The following FSD2 variants were observed in gnomAD, a reference collection of about 807,000 sequenced individuals.
FSD2 encodes fibronectin type III and SPRY domain-containing protein 2.
FSD2 carries 71 observed loss-of-function variants against 80.4 expected under a neutral mutation model. The ratio of observed to expected loss-of-function variants is 0.88; its 90% CI spans 0.73 to 1.08. FSD2 has a LOEUF of 1.08. FSD2 is among the 50% of genes least tolerant of loss of function. The pLI, the probability that FSD2 is intolerant of heterozygous loss-of-function variation, is 0.00. For synonymous variants in FSD2, 361 were observed against 329.5 expected, an observed-to-expected ratio of 1.10 and a Z score of -1.03; for missense variants, 923 against 913.8, an observed-to-expected ratio of 1.01 and a Z score of -0.13.
chr15:82,764,221 A>G lies in FSD2; in HGVS notation c.1820+945T>C, dbSNP rs1044662537. On this transcript the variant is annotated intron_variant, in intron 11 of 12. Transcript: ENST00000334574. ...GGAAAAACCCCAACCTTCTAAGTCC[A>G]AGTAAATAGCTTTGTATTTCAGCAT... 5.9e-5 allele frequency among the ~76,000 whole-genome samples: 9 copies of G among 152,178 alleles called. 1 individual carries two copies. The South Asian group carries it at 1.4e-3, about 25-fold the overall frequency.
Position 82,762,074 on chromosome 15 carries a change from A to T in FSD2, c.1997+28T>A. Reference sequence around the variant, plus strand: ...CTGTAATCTTTCAAAAGCAAATTTTAATTGTGAGTATCCAGATTTTACTTT... The same window carrying T: ...CTGTAATCTTTCAAAAGCAAATTTTTATTGTGAGTATCCAGATTTTACTTT... On this transcript the variant is annotated intron_variant, in intron 12 of 12. Transcript: ENST00000334574. The T allele has an allele frequency of 1.2e-5, 18 of 1,530,204 alleles. 1 individual carries two copies. The highest frequency in any genetic ancestry group is 1.6e-5 in the Non-Finnish European group (18 of 1,135,908). 94.8% of individuals were successfully genotyped at this position (1,530,204 alleles called of 1,614,324 possible).
rs746987014 is a variant in FSD2 at position 82,769,774 on chromosome 15, T to C, written c.1378A>G (p.Ser460Gly). 3.1e-6 allele frequency: 5 copies of C among 1,613,954 alleles called. No individual in the cohort carries two copies. In the East Asian group the frequency reaches 8.9e-5, roughly 29 times the overall value. Residue 460 changes from serine (S) to glycine (G), a missense_variant, in exon 8 of 13, where the codon AGC becomes GGC. Coordinates refer to ENST00000334574, the MANE Select transcript of FSD2 (RefSeq NM_001007122.4). The stretch of plus-strand genomic sequence containing the variant: ...CCTGTCATGTACACTGCACGCTCGC[T>C]AGAGGGGCTGGGGCCAGCCCTGTTG... ...AHNRAGPSPS[S>G]ERAVYMTAPS... is the part of the protein sequence containing the mutation.
chr15:82,783,861 C>T (rs2049933097), intron 3 of FSD2, among the ~76,000 whole-genome samples: 1 of 152,158 alleles, frequency 6.6e-6, no homozygotes, highest in Non-Finnish European at 1.5e-5. Flanking sequence ...GGTCTGGCGG[C>T]ACTGCTTACA....
intron 1 of FSD2, among the ~76,000 whole-genome samples, chr15:82,790,563 TGTGTTCGTGC>T (rs143249281): frequency 1.3e-5 from 2 of 151,218 alleles, no homozygotes; most frequent in Non-Finnish European, 3.0e-5. Flanking sequence ...TGTGTGTGTG[TGTGTTCGTGC>T]GTGTGTGTGT....
rs1469999094 is a variant in FSD2, at chr15:82,806,068, A to G, written c.-181T>C. On this transcript the variant is annotated 5_prime_UTR_variant, in exon 1 of 13. It removes an upstream start codon present in the reference 5' UTR. Transcript: ENST00000334574. ...GGCTTTCCTTCCTAGTGACCTCTGC[A>G]TGCCCCACAGGCTACCCCTGCCTAT... 2.0e-5 allele frequency: 3 copies of G among 152,228 alleles called. No homozygotes were observed. Among genetic ancestry groups the G allele is most frequent in the Non-Finnish European group, 4.4e-5 (3 of 68,052 alleles). The allele number at this position is 152,228 out of a possible 1,614,324, so 9.4% of individuals were successfully genotyped here. A position where few individuals can be genotyped will look rare whatever the true frequency, so the allele number is the denominator to read the frequency against.
intron 6 of FSD2, among the ~76,000 whole-genome samples, chr15:82,774,880 G>T (rs961397305): frequency 4.0e-5 from 6 of 151,440 alleles, no homozygotes; most frequent in Non-Finnish European, 8.8e-5. Flanking sequence ...TGCCACCACA[G>T]CCAGCTAATT....
intron 7 of FSD2, among the ~76,000 whole-genome samples, chr15:82,771,631 G>A (rs911585809): frequency 6.6e-6 from 1 of 152,158 alleles, no homozygotes; most frequent in African/African-American, 2.4e-5. Flanking sequence ...GGCTGCAGAG[G>A]CCCCCTCACC....
Position 82,787,251 on chromosome 15 carries a change from A to G in FSD2, c.140T>C (p.Val47Ala), listed in dbSNP as rs201497392. The change falls in exon 2 of 13, where the codon GTC becomes GCC. Residue 47 changes from valine to alanine, a missense_variant. Coordinates refer to ENST00000334574, the MANE Select transcript of FSD2 (RefSeq NM_001007122.4). ...PEENTRMRKVVQAEMANESRG... is the reference protein window; with the variant it reads ...PEENTRMRKVAQAEMANESRG... ...TGACTCATTGGCCATTTCAGCTTGGACTACTTTCCTCATCCTAGTGTTCTC... is the reference window on the plus strand; with the variant it reads ...TGACTCATTGGCCATTTCAGCTTGGGCTACTTTCCTCATCCTAGTGTTCTC... 18 of 1,613,690 alleles carry G rather than the reference A, an allele frequency of 1.1e-5. No homozygotes were observed. The highest frequency in any genetic ancestry group is 1.4e-5 in the Non-Finnish European group (17 of 1,179,890).
chr15:82,772,018 C>A, intron 7 of FSD2, 55 bp downstream of exon 7: 1 of 1,472,836 alleles, frequency 6.8e-7, no homozygotes, highest in South Asian at 1.5e-5. Context: ...GCCCAGGCCC[C>A]TGAGGGGCCT....
chr15:82,778,344 A>G (rs1018312816), intron 6 of FSD2, among the ~76,000 whole-genome samples: 1 of 151,876 alleles, frequency 6.6e-6, no homozygotes, highest in Non-Finnish European at 1.5e-5. Flanking sequence ...TACATATGGA[A>G]TATTATTCAG....
chr15:82,799,448 AT>A (rs2050358989), intron 1 of FSD2, among the ~76,000 whole-genome samples: 1 of 152,036 alleles, frequency 6.6e-6, no homozygotes, highest in Non-Finnish European at 1.5e-5. Context: ...AGGTGATCTC[AT>A]CCAGTCTCAC....
At chr15:82,791,812 C>T (rs1379970284) in intron 1 of FSD2, among the ~76,000 whole-genome samples, 6 of 152,194 alleles carry the variant, frequency 3.9e-5, no homozygotes, top group Non-Finnish European at 7.3e-5. Context: ...TTGGACATTT[C>T]CTATAAACGG....
intron 4 of FSD2, among the ~76,000 whole-genome samples, chr15:82,780,633 G>A (rs2049832283): frequency 6.6e-6 from 1 of 151,048 alleles, no homozygotes; most frequent in African/African-American, 2.4e-5. Context: ...GTGCCTGGCT[G>A]GAAATAAATT....
In FSD2 at chr15:82,799,300, TC is replaced by T. The variant is rs561289881; in HGVS notation, c.-79+6665del. Among the ~76,000 whole-genome samples, 4 of 152,246 alleles carry T rather than the reference TC, an allele frequency of 2.6e-5. No homozygotes were observed. In the South Asian group the frequency reaches 6.2e-4, roughly 24 times the overall value. On this transcript the variant is annotated intron_variant, in intron 1 of 12. Transcript: ENST00000334574. ...ATTCAATCCTATTGACCCTTCTGTG[TC>T]CCCCGGCTCAGCTGGGATTTCCCCT...
At chr15:82,792,173 C>T (rs542712846) in intron 1 of FSD2, among the ~76,000 whole-genome samples, 16 of 152,330 alleles carry the variant, frequency 1.1e-4, no homozygotes, top group African/African-American at 3.8e-4. Context: ...TTATGTTTAA[C>T]TTTCTGAAAA....
At chr15:82,772,298 A>G (rs552055567) in intron 6 of FSD2, 70 bp from the exon 7 acceptor site, 6 of 1,445,910 alleles carry the variant, frequency 4.1e-6, no homozygotes, top group South Asian at 3.7e-5. Context: ...CCCCTTTCCC[A>G]TGACCATTGA....
chr15:82,756,084 C>A lies in FSD2; in HGVS notation c.*3264G>T, dbSNP rs745565214. The A allele has an allele frequency of 1.1e-5, 5 of 462,066 alleles. No individual in the cohort carries two copies. The highest frequency in any genetic ancestry group is 2.1e-5 in the Admixed American group (1 of 47,300). The allele number at this position is 462,066 out of a possible 1,614,324, so 28.6% of individuals were successfully genotyped here. On this transcript the variant is annotated 3_prime_UTR_variant, in exon 13 of 13. Coordinates refer to ENST00000334574, the MANE Select transcript of FSD2 (RefSeq NM_001007122.4). ...TCTACCAACAGCAATTACACGCTTT[C>A]CATTGTCTTCCTATAGAAAATAGGA...
Position 82,759,450 on chromosome 15 carries a change from A to C in FSD2, c.2148T>G (p.Cys716Trp). The change falls in exon 13 of 13, where the codon TGT becomes TGG. Residue 716 changes from cysteine to tryptophan, a missense_variant. By Grantham distance (215) the Cys-to-Trp change is radical (BLOSUM62 -2). Transcript: ENST00000334574. ...DLSQHLYTFS[C>W]QLHEFVHPCF... is the part of the protein sequence containing the mutation. ...AGGGATGCACAAATTCGTGAAGCTG[A>C]CAACTAAATGTATATAGATGCTGAG... 1 of 1,613,726 alleles carries C rather than the reference A, an allele frequency of 6.2e-7. No individual in the cohort carries two copies. The highest frequency in any genetic ancestry group is 8.5e-7 in the Non-Finnish European group (1 of 1,179,768).
intron 1 of FSD2, among the ~76,000 whole-genome samples, chr15:82,794,314 A>C (rs940198893): frequency 6.6e-6 from 1 of 151,894 alleles, no homozygotes; most frequent in Non-Finnish European, 1.5e-5. Context: ...ATTGATTTCT[A>C]TTTGCATTCC....
Sources: gnomAD v4.1 joint callset for allele counts (sites outside exome capture counted in the v4.1 genomes callset) on GRCh38, gnomAD v4.1.1 for gene constraint, MANE v1.5 for transcripts, NCBI Gene and HGNC (gene_info 2026-07-23, HGNC 2026-07-21) for gene names.